Variants in NBPF9 observed in about 807,000 individuals in gnomAD.
NBPF9 encodes the protein NBPF family member NBPF9.
In NBPF9, 91 loss-of-function variants were observed where a neutral mutation model predicts 97.8. The observed-to-expected ratio is 0.93, with a 90% CI of 0.79 to 1.11. The LOEUF (loss-of-function observed/expected upper bound fraction) is 1.11, where lower values mean the gene tolerates loss of function less well. Among genes scored for constraint, NBPF9 ranks in the 50% least tolerant of loss-of-function variants. NBPF9 has a pLI of 0.00. For missense variants in NBPF9, 992 were observed against 939.5 expected (o/e 1.06, Z -0.73); for synonymous variants, 334 against 359.5 (o/e 0.93, Z 0.80).
At chr1:149,091,822 CTGTT>C (rs1379742025) in intron 4 of NBPF9, among the ~76,000 whole-genome samples, 4 of 129,882 alleles carry the variant, frequency 3.1e-5, no homozygotes, top group Admixed American at 7.9e-5. Flanking sequence ...GGCAGATAAG[CTGTT>C]TGTTCAGTTT....
At chr1:149,064,468 G>C (rs1553651136) in exon 19 of NBPF9, 1 of 1,461,078 alleles carries the variant, frequency 6.8e-7, no homozygotes, top group South Asian at 1.2e-5. Context: ...TTTTTCACTT[G>C]ATCCCACCGA....
At position 149,059,102 on chromosome 1, in the gene NBPF9, A is replaced by G. The variant is rs2078432758; in HGVS notation, c.2586-5T>C. Reference sequence around the variant, plus strand: ...TCCAGCAGCTCCCTGCTGAGCCTGGAAAAGTAGGAAAAAGTAAAGAATAAG... The same window carrying G: ...TCCAGCAGCTCCCTGCTGAGCCTGGGAAAGTAGGAAAAAGTAAAGAATAAG... On this transcript the variant is annotated splice_polypyrimidine_tract_variant and splice_region_variant and intron_variant, in intron 25 of 29. Transcript: ENST00000584027. 1 of 418,022 alleles carries G rather than the reference A, an allele frequency of 2.4e-6. No homozygotes were observed. Among genetic ancestry groups the G allele is most frequent in the South Asian group, 2.6e-5 (1 of 38,210 alleles). The allele number at this position is 418,022 out of a possible 1,614,324, so 25.9% of individuals were successfully genotyped here.
chr1:149,072,685 G>T, intron 14 of NBPF9, 33 bp downstream of exon 14: 5 of 1,610,632 alleles, frequency 3.1e-6, no homozygotes, highest in Non-Finnish European at 4.2e-6. Context: ...TAAGCCTGGG[G>T]TTTTGGGTCA....
At chr1:149,056,039 A>C (rs1457076273) in intron 29 of NBPF9, 140 bp from the exon 30 acceptor site, 4 of 1,475,994 alleles carry the variant, frequency 2.7e-6, no homozygotes, top group East Asian at 4.7e-5. Flanking sequence ...AAAAAAATTT[A>C]TTGCCTTTAT....
At chr1:149,090,578 A>G in intron 5 of NBPF9, 175 bp downstream of exon 5, 1 of 560,296 alleles carries the variant, frequency 1.8e-6, no homozygotes, top group East Asian at 3.0e-5. Context: ...TAAAATTATT[A>G]TCTAAAGAAT....
exon 30 of NBPF9, chr1:149,055,631 C>A (rs1445700126): frequency 6.2e-7 from 1 of 1,611,652 alleles, no homozygotes; most frequent in South Asian, 1.1e-5. Flanking sequence ...GCAGGAATGA[C>A]ATCTCTCGGC....
At chr1:149,095,583 C>A (rs1458154832) in intron 4 of NBPF9, among the ~76,000 whole-genome samples, 5 of 107,778 alleles carry the variant, frequency 4.6e-5, no homozygotes, top group South Asian at 3.1e-4. Flanking sequence ...AACTGCTGTC[C>A]AAAATATATG....
intron 5 of NBPF9, chr1:149,090,368 C>T (rs2081337166): frequency 5.1e-6 from 1 of 197,868 alleles, no homozygotes; most frequent in Non-Finnish European, 1.0e-5. Context: ...GGTTGCTGCA[C>T]TCACAACCAC....
rs1350468791 is a variant in NBPF9 at position 149,087,295 on chromosome 1, AGAT to A, written c.-195+3455_-195+3457del. Among the ~76,000 whole-genome samples, 3 of 150,604 alleles carry A rather than the reference AGAT, an allele frequency of 2.0e-5. No individual in the cohort carries two copies. The East Asian group carries it at 5.9e-4, about 30-fold the overall frequency. The stretch of plus-strand genomic sequence containing the variant: ...ATATATATATATATTCCCTATTTGG[AGAT>A]GATAATCTTCAAAACGGTGAATATA... On this transcript the variant is annotated intron_variant, in intron 5 of 29. Coordinates refer to ENST00000584027, the Ensembl canonical transcript of NBPF9.
intron 17 of NBPF9, among the ~76,000 whole-genome samples, chr1:149,069,106 G>T (rs1218486707): frequency 1.3e-5 from 2 of 152,052 alleles, no homozygotes; most frequent in Non-Finnish European, 2.9e-5. Flanking sequence ...CAGAATCTCT[G>T]GGACACATTT....
chr1:149,072,420 C>T (rs1330925170), intron 14 of NBPF9, among the ~76,000 whole-genome samples: 3 of 152,136 alleles, frequency 2.0e-5, no homozygotes, highest in African/African-American at 4.8e-5. Flanking sequence ...GCTCTTTTCA[C>T]TCTAACAAGC....
intron 17 of NBPF9, among the ~76,000 whole-genome samples, chr1:149,068,307 C>T (rs1191081810): frequency 1.3e-5 from 2 of 150,778 alleles, no homozygotes; most frequent in Non-Finnish European, 2.9e-5. Flanking sequence ...GGGCTAAATG[C>T]CCCAGTTAAA....
At chr1:149,064,794 A>T in intron 18 of NBPF9, 5 of 583,020 alleles carry the variant, frequency 8.6e-6, no homozygotes, top group South Asian at 4.1e-5. Flanking sequence ...AACACCTCAT[A>T]GGAGAGATAC....
At chr1:149,071,163 A>G (rs782815238) in intron 15 of NBPF9, 24 bp from the exon 16 acceptor site, 2 of 1,400,198 alleles carry the variant, frequency 1.4e-6, no homozygotes, top group Non-Finnish European at 2.0e-6. Context: ...TGGGACAGAG[A>G]TGACAGAAGA....
Position 149,067,320 on chromosome 1 carries a change from A to T in NBPF9, c.1638-1631T>A, listed in dbSNP as rs1392443316. Among the ~76,000 whole-genome samples the T allele has an allele frequency of 1.1e-4, 13 of 120,854 alleles. 3 individuals carry two copies. Among genetic ancestry groups the T allele is most frequent in the South Asian group, 2.8e-4 (1 of 3,548 alleles). 79.3% of individuals were successfully genotyped at this position (120,854 alleles called of 152,430 possible). A position where few individuals can be genotyped will look rare whatever the true frequency, so the allele number is the denominator to read the frequency against. On this transcript the variant is annotated intron_variant, in intron 17 of 29. Coordinates refer to ENST00000584027, the Ensembl canonical transcript of NBPF9. ...TGTGTATGTGTATATATATATATAT[A>T]TTTTTAATACTTTAAGTCTTAGGGT...
Position 149,084,830 on chromosome 1 carries a change from C to T in NBPF9, c.-194-2400G>A, listed in dbSNP as rs1553657977. Among the ~76,000 whole-genome samples the T allele has an allele frequency of 1.3e-5, 2 of 149,690 alleles. 1 individual carries two copies. The highest frequency in any genetic ancestry group is 4.8e-4 in the East Asian group (2 of 4,140). On this transcript the variant is annotated intron_variant, in intron 5 of 29. Coordinates refer to ENST00000584027, the Ensembl canonical transcript of NBPF9. ...ATATACTGTGGTCCTGGACTCACTG[C>T]TGCAGGATGGGGAATTGACCACGGA...
At chr1:149,087,006 T>G (rs2081057161) in intron 5 of NBPF9, among the ~76,000 whole-genome samples, 2 of 152,110 alleles carry the variant, frequency 1.3e-5, no homozygotes, top group South Asian at 4.2e-4. Context: ...GTATAAGACT[T>G]CCAAGTGCTT....
exon 16 of NBPF9, chr1:149,071,019 G>T: frequency 6.2e-7 from 1 of 1,611,978 alleles, no homozygotes; most frequent in Non-Finnish European, 8.5e-7. Context: ...CCTCAAATGT[G>T]ATTTTGGTTT....
rs1185273802 is a variant in NBPF9 at position 149,063,671 on chromosome 1, A to T, written c.1988T>A (p.Leu663Ter). The T allele has an allele frequency of 1.6e-6, 1 of 621,246 alleles. No individual in the cohort carries two copies. Among genetic ancestry groups the T allele is most frequent in the Middle Eastern group, 4.2e-4 (1 of 2,366 alleles). The allele number at this position is 621,246 out of a possible 1,614,324, so 38.5% of individuals were successfully genotyped here. Reference sequence around the variant, plus strand: ...AGCCAAGCCAACACGCTGTTGCTCCAATACGTAAAAGGCACTTCTGTAGGG... The same window carrying T: ...AGCCAAGCCAACACGCTGTTGCTCCTATACGTAAAAGGCACTTCTGTAGGG... The change falls in exon 20 of 30, where the codon TTG becomes TAG. Residue 663 changes from leucine (L) to a stop codon, truncating the protein, a stop_gained. Coordinates refer to ENST00000584027, the Ensembl canonical transcript of NBPF9. LOFTEE classifies it high-confidence loss of function.
Sources: allele counts gnomAD v4.1 joint callset (sites outside exome capture counted in the v4.1 genomes callset), GRCh38; gene constraint gnomAD v4.1.1; transcripts MANE v1.5; gene names NCBI Gene and HGNC (gene_info 2026-07-23, HGNC 2026-07-21).